Variants in ADGRL2 observed in about 807,000 individuals in gnomAD.
ADGRL2 encodes calcium-independent alpha-latrotoxin receptor 2.
ADGRL2 carries 44 observed loss-of-function variants against 157.4 expected under a neutral mutation model. That is an observed-to-expected ratio of 0.28 (90% CI 0.22 to 0.36). The LOEUF (loss-of-function observed/expected upper bound fraction) is 0.36. Among genes scored for constraint, ADGRL2 ranks in the 10% least tolerant of loss-of-function variants. The probability of loss-of-function intolerance (pLI) is 1.00; values close to 1 mark genes in which losing one functional copy is unlikely to be tolerated. For synonymous variants in ADGRL2, 585 were observed against 624.7 expected (o/e 0.94, Z 0.95); for missense variants, 1,510 against 1,768.9 (o/e 0.85, Z 2.63).
chr1:81,517,779 T>C (rs937149140), intron 2 of ADGRL2, among the ~76,000 whole-genome samples: 1 of 152,226 alleles, frequency 6.6e-6, no homozygotes, highest in Non-Finnish European at 1.5e-5. Context: ...AAGATGACTT[T>C]TTCCTTTCTC....
intron 2 of ADGRL2, among the ~76,000 whole-genome samples, chr1:81,563,959 A>C (rs2080502395): frequency 6.6e-6 from 1 of 152,222 alleles, no homozygotes; most frequent in Non-Finnish European, 1.5e-5. Flanking sequence ...AAGGTAGTTT[A>C]GTGTAGGTAG....
At chr1:81,530,318 A>G (rs17454564) in intron 2 of ADGRL2, among the ~76,000 whole-genome samples, 15,768 of 152,136 alleles carry the variant, frequency 0.1, 934 homozygotes, top group South Asian at 0.14. Context: ...GCACAAATTC[A>G]AAAGTATTCC....
intron 9 of ADGRL2, 57 bp downstream of exon 9, chr1:81,952,199 T>G: frequency 1.4e-6 from 2 of 1,437,148 alleles, no homozygotes; most frequent in Non-Finnish European, 1.9e-6. Flanking sequence ...AGCTCTTTCT[T>G]GTCTTATAGC....
intron 2 of ADGRL2, among the ~76,000 whole-genome samples, chr1:81,500,334 A>G (rs184838169): frequency 1.2e-4 from 18 of 152,352 alleles, no homozygotes; most frequent in Non-Finnish European, 2.2e-4. Flanking sequence ...CAGGGATCTA[A>G]ATAGATGTTT....
chr1:81,983,241 A>T (rs971679877), intron 19 of ADGRL2, among the ~76,000 whole-genome samples: 1 of 151,946 alleles, frequency 6.6e-6, no homozygotes, highest in African/African-American at 2.4e-5. Context: ...GCATCATGTT[A>T]TACTTCAAAA....
chr1:81,824,440 A>AT lies in ADGRL2; in HGVS notation c.-100-12437dup, dbSNP rs527560149. Among the ~76,000 whole-genome samples the AT allele has an allele frequency of 6.6e-5, 10 of 151,252 alleles. No homozygotes were observed. In the East Asian group the frequency reaches 7.8e-4, roughly 12 times the overall value. ...CAGGCACATGCCACCATGCCCAGCT[A>AT]TTTTTTTTAATTTTTTGTAGAGATG... On this transcript the variant is annotated intron_variant, in intron 1 of 23. Transcript: ENST00000686636.
chr1:81,502,661 G>C (rs2078879560), intron 2 of ADGRL2: 1 of 1,613,804 alleles, frequency 6.2e-7, no homozygotes, highest in South Asian at 1.1e-5. Flanking sequence ...CCTCAGCTCA[G>C]GACGCAGTAC....
chr1:81,449,432 A>G (rs569347825), intron 2 of ADGRL2, among the ~76,000 whole-genome samples: 1 of 152,222 alleles, frequency 6.6e-6, no homozygotes, highest in Non-Finnish European at 1.5e-5. Context: ...ACTCTTGCAC[A>G]TTCAGTGAAA....
chr1:81,971,983 A>T (rs1658890105), intron 17 of ADGRL2, 65 bp downstream of exon 17: 10 of 1,020,734 alleles, frequency 9.8e-6, no homozygotes, highest in Non-Finnish European at 1.5e-5. Context: ...TCAAACAAGG[A>T]TAATTTGTTT....
intron 2 of ADGRL2, among the ~76,000 whole-genome samples, chr1:81,776,058 C>T (rs893360637): frequency 6.6e-6 from 1 of 152,116 alleles, no homozygotes; most frequent in Admixed American, 6.5e-5. Flanking sequence ...ACTATCAGTG[C>T]TTCCAAATTT....
At chr1:81,829,436 A>G (rs527598219) in intron 1 of ADGRL2, among the ~76,000 whole-genome samples, 22 of 152,350 alleles carry the variant, frequency 1.4e-4, no homozygotes, top group Non-Finnish European at 1.8e-4. Context: ...AACATTTGGC[A>G]TAATCGGGAC....
intron 3 of ADGRL2, among the ~76,000 whole-genome samples, chr1:81,687,991 A>C (rs559008258): frequency 3.9e-4 from 59 of 152,308 alleles, no homozygotes; most frequent in Non-Finnish European, 7.1e-4. Flanking sequence ...GGCTGAAGAT[A>C]GGGCCCCCAA....
intron 2 of ADGRL2, chr1:81,502,519 C>A: frequency 6.2e-7 from 1 of 1,614,066 alleles, no homozygotes; most frequent in Non-Finnish European, 8.5e-7. Context: ...CCAAACAGAT[C>A]CTGGACCTGT....
intron 2 of ADGRL2, among the ~76,000 whole-genome samples, chr1:81,509,073 C>T (rs1449490524): frequency 6.6e-6 from 1 of 152,172 alleles, no homozygotes; most frequent in African/African-American, 2.4e-5. Flanking sequence ...CTTCATCCTT[C>T]CTTTCAACCA....
Position 81,991,381 on chromosome 1 carries a change from CCAG to C in ADGRL2, c.*238_*240del. On this transcript the variant is annotated 3_prime_UTR_variant, in exon 24 of 24. Coordinates refer to ENST00000686636, the MANE Select transcript of ADGRL2 (RefSeq NM_001366006.2). ...TTATTTGTTACAAAGAAAAGAGATGCCAGCCAGGTATTTTAAGATTCTGCTGCT... is the reference window on the plus strand; with the variant it reads ...TTATTTGTTACAAAGAAAAGAGATGCCCAGGTATTTTAAGATTCTGCTGCT... 3.0e-6 allele frequency: 1 copy of C among 337,662 alleles called. No homozygotes were observed. The highest frequency in any genetic ancestry group is 4.3e-5 in the Admixed American group (1 of 23,446). The allele number at this position is 337,662 out of a possible 1,614,324, so 20.9% of individuals were successfully genotyped here.
chr1:81,406,852 A>G (rs1046565534), intron 1 of ADGRL2, among the ~76,000 whole-genome samples: 6 of 152,184 alleles, frequency 3.9e-5, no homozygotes, highest in African/African-American at 1.4e-4. Context: ...TCTCTAGGCA[A>G]ATGCTGCAGA....
At chr1:81,926,612 TA>T (rs2095113085) in intron 3 of ADGRL2, among the ~76,000 whole-genome samples, 1 of 152,054 alleles carries the variant, frequency 6.6e-6, no homozygotes, top group South Asian at 2.1e-4. Context: ...TTTGAATTAT[TA>T]AAAGTGAAGG....
intron 1 of ADGRL2, among the ~76,000 whole-genome samples, chr1:81,410,622 G>GT: frequency 6.6e-6 from 1 of 152,204 alleles, no homozygotes; most frequent in East Asian, 1.9e-4. Context: ...GGCCTTAGCT[G>GT]TAACAGTATT....
intron 1 of ADGRL2, among the ~76,000 whole-genome samples, chr1:81,315,160 G>A (rs918920582): frequency 3.9e-5 from 6 of 151,972 alleles, no homozygotes; most frequent in East Asian, 1.9e-4. Context: ...TTTAAATTAC[G>A]TAAAGGTCAC....
Sources: gnomAD v4.1 joint callset for allele counts (sites outside exome capture counted in the v4.1 genomes callset) on GRCh38, gnomAD v4.1.1 for gene constraint, MANE v1.5 for transcripts, NCBI Gene and HGNC (gene_info 2026-07-23, HGNC 2026-07-21) for gene names.